NUP210L: variants seen among roughly 807,000 people sequenced by gnomAD.
NUP210L encodes nuclear pore membrane glycoprotein 210-like.
A neutral mutation model predicts 208.5 loss-of-function variants in NUP210L; 74 were observed. That is an observed-to-expected ratio of 0.35 (90% CI 0.29 to 0.43). NUP210L has a LOEUF of 0.43. NUP210L is among the 20% of genes least tolerant of loss of function. The pLI is 1.00. For missense variants in NUP210L, 1,843 were observed against 2,289.4 expected (o/e 0.81, Z 3.98); for synonymous variants, 780 against 816.9 (o/e 0.95, Z 0.77).
At chr1:154,046,721 T>C (rs1653203907) in intron 25 of NUP210L, among the ~76,000 whole-genome samples, 1 of 152,218 alleles carries the variant, frequency 6.6e-6, no homozygotes, top group Admixed American at 6.5e-5. Context: ...TTCTCACTTA[T>C]ATATTTATGG....
At chr1:154,055,160 T>TTTCTTTC (rs1553228953) in intron 23 of NUP210L, among the ~76,000 whole-genome samples, 78 of 122,268 alleles carry the variant, frequency 6.4e-4, no homozygotes, top group Non-Finnish European at 6.4e-4. Context: ...TCTTTCTTTC[T>TTTCTTTC]TTCTTTCTTT....
intron 33 of NUP210L, among the ~76,000 whole-genome samples, chr1:154,015,315 G>C (rs1651174618): frequency 1.3e-5 from 2 of 151,764 alleles, no homozygotes; most frequent in Admixed American, 6.6e-5. Context: ...GCTAGATGTG[G>C]TGGCAAACAC....
chr1:154,153,435 G>C (rs546273404), intron 1 of NUP210L, among the ~76,000 whole-genome samples: 1 of 152,048 alleles, frequency 6.6e-6, no homozygotes, highest in Non-Finnish European at 1.5e-5. Context: ...TCAGCCTCTC[G>C]AGTAGCTGAG....
At chr1:154,050,344 G>A (rs983603339) in intron 25 of NUP210L, among the ~76,000 whole-genome samples, 1 of 152,066 alleles carries the variant, frequency 6.6e-6, no homozygotes, top group Non-Finnish European at 1.5e-5. Context: ...ACTAGCCCTC[G>A]ACAATTAACA....
At chr1:154,081,398 G>C (rs1037094077) in intron 16 of NUP210L, among the ~76,000 whole-genome samples, 7 of 152,128 alleles carry the variant, frequency 4.6e-5, no homozygotes, top group African/African-American at 1.7e-4. Context: ...TCAGTTCCTG[G>C]GAGGTAACCC....
exon 34 of NUP210L, chr1:154,012,268 C>G (rs767062191): frequency 5.0e-6 from 8 of 1,613,720 alleles, no homozygotes; most frequent in Non-Finnish European, 6.8e-6. Context: ...CCATTTCTGC[C>G]AGTGGTGATG....
At chr1:154,140,654 A>G (rs187512934) in intron 4 of NUP210L, among the ~76,000 whole-genome samples, 7,787 of 141,470 alleles carry the variant, frequency 0.055, 298 homozygotes, top group Non-Finnish European at 0.089. Flanking sequence ...GTGACAGAGC[A>G]AGACTCCATC....
chr1:154,045,424 C>T (rs1431103890), intron 27 of NUP210L, among the ~76,000 whole-genome samples: 1 of 152,022 alleles, frequency 6.6e-6, no homozygotes, highest in Admixed American at 6.6e-5. Context: ...ACTTTATATT[C>T]ATAGTGTTAC....
In NUP210L at chr1:153,998,532, C is replaced by G. The variant is rs193153173; in HGVS notation, c.5386+2324G>C. On this transcript the variant is annotated intron_variant, in intron 37 of 39. Coordinates refer to ENST00000368559, the Ensembl canonical transcript of NUP210L. ...TGGTGCCACTGCACTCCAGACTGGGCGACAGAGCGAGGTTCTGTCTCAAAA... is the reference window on the plus strand; with the variant it reads ...TGGTGCCACTGCACTCCAGACTGGGGGACAGAGCGAGGTTCTGTCTCAAAA... Among the ~76,000 whole-genome samples, 9 of 137,760 alleles carry G rather than the reference C, an allele frequency of 6.5e-5. No homozygotes were observed. In the East Asian group the frequency reaches 1.7e-3, roughly 26 times the overall value. 90.4% of individuals were successfully genotyped at this position (137,760 alleles called of 152,430 possible). A position where few individuals can be genotyped will look rare whatever the true frequency, so the allele number is the denominator to read the frequency against.
At chr1:154,130,484 G>A (rs1658188376) in intron 7 of NUP210L, among the ~76,000 whole-genome samples, 1 of 151,928 alleles carries the variant, frequency 6.6e-6, no homozygotes, top group African/African-American at 2.4e-5. Flanking sequence ...TGTTGGCCAG[G>A]CTGGTCTCGA....
chr1:154,010,243 G>T (rs773660831), intron 34 of NUP210L, 122 bp from the exon 35 acceptor site: 2 of 853,862 alleles, frequency 2.3e-6, no homozygotes, highest in Non-Finnish European at 3.6e-6. Flanking sequence ...GTCAGTTATG[G>T]CTGGTTTGCC....
exon 23 of NUP210L, chr1:154,056,881 G>A (rs375791657): frequency 6.2e-7 from 1 of 1,607,254 alleles, no homozygotes; most frequent in Non-Finnish European, 8.5e-7. Flanking sequence ...CCACAAGTGT[G>A]GTTTGCCCAA....
At chr1:154,118,694 T>G in exon 11 of NUP210L, 1 of 1,601,170 alleles carries the variant, frequency 6.2e-7, no homozygotes, top group Admixed American at 1.7e-5. Flanking sequence ...CGATATAACA[T>G]TCCCATAGGA....
At chr1:154,133,537 T>TAA (rs144993679) in intron 7 of NUP210L, among the ~76,000 whole-genome samples, 5 of 130,612 alleles carry the variant, frequency 3.8e-5, no homozygotes, top group Non-Finnish European at 3.3e-5. Flanking sequence ...ACTCTATCTC[T>TAA]AAAAAAAAAA....
intron 33 of NUP210L, among the ~76,000 whole-genome samples, chr1:154,012,999 T>C (rs1571167023): frequency 1.3e-5 from 1 of 79,968 alleles, no homozygotes; most frequent in South Asian, 4.5e-4. Flanking sequence ...AGAGTGAAAC[T>C]CTGAATCAAA....
intron 25 of NUP210L, among the ~76,000 whole-genome samples, chr1:154,050,803 C>T (rs1173828021): frequency 6.6e-6 from 1 of 151,956 alleles, no homozygotes; most frequent in African/African-American, 2.4e-5. Flanking sequence ...AAATTTAAAC[C>T]AATTGAAGAT....
At chr1:154,053,151 C>T (rs969090602) in intron 25 of NUP210L, among the ~76,000 whole-genome samples, 5 of 152,172 alleles carry the variant, frequency 3.3e-5, no homozygotes, top group Non-Finnish European at 5.9e-5. Flanking sequence ...ATTAAAAGAA[C>T]AAATATTTAA....
chr1:154,126,308 C>T lies in NUP210L; in HGVS notation c.1326+15G>A, dbSNP rs2148116798. On this transcript the variant is annotated intron_variant, in intron 10 of 39. Coordinates refer to ENST00000368559, the Ensembl canonical transcript of NUP210L. ...AGTGTTCTTAGAATACAAACACTGTCTGTTTAATTCCTACCTGGTAAATGA... is the reference window on the plus strand; with the variant it reads ...AGTGTTCTTAGAATACAAACACTGTTTGTTTAATTCCTACCTGGTAAATGA... The T allele has an allele frequency of 6.2e-7, 1 of 1,603,952 alleles. No homozygotes were observed. The highest frequency in any genetic ancestry group is 8.5e-7 in the Non-Finnish European group (1 of 1,175,980).
chr1:154,149,347 A>G (rs1447894449), intron 2 of NUP210L, among the ~76,000 whole-genome samples: 1 of 152,138 alleles, frequency 6.6e-6, no homozygotes, highest in African/African-American at 2.4e-5. Context: ...TGGCCTCTCA[A>G]AGTGCTGGGA....
Sources: gnomAD v4.1 joint callset for allele counts (sites outside exome capture counted in the v4.1 genomes callset) on GRCh38, gnomAD v4.1.1 for gene constraint, MANE v1.5 for transcripts, NCBI Gene and HGNC (gene_info 2026-07-23, HGNC 2026-07-21) for gene names.